The following CDH18 variants were observed in gnomAD, a reference collection of about 807,000 sequenced individuals.
The protein encoded by CDH18 is cadherin-18.
In CDH18, 31 loss-of-function variants were observed where a neutral mutation model predicts 67.9. The observed-to-expected ratio is 0.46, with a 90% CI of 0.34 to 0.62. The LOEUF is 0.62. Ranked by LOEUF, CDH18 falls within the 20% of genes least tolerant of loss-of-function variation. CDH18 has a pLI of 0.01. For synonymous variants in CDH18, 362 were observed against 347.2 expected (o/e 1.04, Z -0.48); for missense variants, 890 against 975.5 (o/e 0.91, Z 1.17).
At chr5:20,562,473 G>T (rs1758274336) in intron 1 of CDH18, among the ~76,000 whole-genome samples, 1 of 151,496 alleles carries the variant, frequency 6.6e-6, no homozygotes, top group Non-Finnish European at 1.5e-5. Context: ...ATATATAAAG[G>T]CATGGTTGCC....
intron 5 of CDH18, among the ~76,000 whole-genome samples, chr5:19,674,079 G>A (rs1203082103): frequency 6.6e-6 from 1 of 151,466 alleles, no homozygotes; most frequent in Non-Finnish European, 1.5e-5. Flanking sequence ...TTATTTTTTT[G>A]TCCCAGGTAG....
upstream of CDH18, among the ~76,000 whole-genome samples, chr5:19,989,785 C>T (rs1007672632): frequency 6.6e-6 from 1 of 151,970 alleles, no homozygotes; most frequent in Non-Finnish European, 1.5e-5. Flanking sequence ...ATTTAGCTTT[C>T]GGAAAGACTA....
At chr5:19,830,314 A>G (rs937145457) in intron 3 of CDH18, among the ~76,000 whole-genome samples, 5 of 152,166 alleles carry the variant, frequency 3.3e-5, no homozygotes, top group Admixed American at 6.6e-5. Context: ...AATATCCAGA[A>G]TCTATATGAA....
At chr5:19,584,703 T>C (rs1254715299) in intron 7 of CDH18, among the ~76,000 whole-genome samples, 2 of 140,502 alleles carry the variant, frequency 1.4e-5, no homozygotes, top group African/African-American at 2.6e-5. Context: ...ATCCCAGCAG[T>C]TTGGGAGGCG....
intron 5 of CDH18, among the ~76,000 whole-genome samples, chr5:19,670,526 T>C (rs1758594312): frequency 6.6e-6 from 1 of 152,282 alleles, no homozygotes; most frequent in East Asian, 1.9e-4. Context: ...GATTGGAGAA[T>C]ATTGAAGAAT....
At chr5:20,272,263 T>C (rs1348448632) in intron 1 of CDH18, among the ~76,000 whole-genome samples, 2 of 152,064 alleles carry the variant, frequency 1.3e-5, no homozygotes, top group Admixed American at 1.3e-4. Flanking sequence ...TGATGGTTAG[T>C]AATTGTAATG....
chr5:20,376,107 T>TTTTTTTTTTTTTTTTTTTTTTTTTTTG (rs1318320616), intron 1 of CDH18, among the ~76,000 whole-genome samples: 1 of 112,942 alleles, frequency 8.9e-6, no homozygotes, highest in African/African-American at 3.1e-5. Context: ...TTTTTTTTTT[T>TTTTTTTTTTTTTTTTTTTTTTTTTTTG]TTTTGAGACG....
chr5:19,538,137 G>A (rs1424339762), intron 9 of CDH18, among the ~76,000 whole-genome samples: 1 of 152,140 alleles, frequency 6.6e-6, no homozygotes, highest in East Asian at 1.9e-4. Flanking sequence ...AAAATTGCGT[G>A]ATAGCATGTA....
rs184963504 is a variant in CDH18, at chr5:19,630,346, G to A, written c.644-17745C>T. ...TAGTTATCAATGTGGCCCTTCCTTTGTTAATCTATATCCTATGTGAACTAA... is the reference window on the plus strand; with the variant it reads ...TAGTTATCAATGTGGCCCTTCCTTTATTAATCTATATCCTATGTGAACTAA... On this transcript the variant is annotated intron_variant, in intron 5 of 12. Transcript: ENST00000382275. 3.3e-3 allele frequency among the ~76,000 whole-genome samples: 495 copies of A among 152,166 alleles called. 4 individuals carry two copies. The highest frequency in any genetic ancestry group is 0.011 in the African/African-American group (474 of 41,518).
intron 1 of CDH18, among the ~76,000 whole-genome samples, chr5:20,287,374 T>G (rs968461158): frequency 6.6e-6 from 1 of 151,742 alleles, no homozygotes; most frequent in Non-Finnish European, 1.5e-5. Flanking sequence ...TTTATTCAAA[T>G]TTAAATTGAA....
chr5:20,549,772 G>C (rs1038347438), intron 1 of CDH18, among the ~76,000 whole-genome samples: 10 of 152,174 alleles, frequency 6.6e-5, no homozygotes, highest in African/African-American at 2.4e-4. Flanking sequence ...CAAGGCAGTA[G>C]AGTGGGGATA....
chr5:20,196,748 T>G (rs1249936831), intron 2 of CDH18, among the ~76,000 whole-genome samples: 1 of 152,224 alleles, frequency 6.6e-6, no homozygotes, highest in Non-Finnish European at 1.5e-5. Context: ...TGTAGATAGC[T>G]ACATTCCTAT....
intron 2 of CDH18, among the ~76,000 whole-genome samples, chr5:19,931,472 T>C (rs1166066254): frequency 4.6e-5 from 7 of 151,956 alleles, no homozygotes. Flanking sequence ...GAGCCCTAAA[T>C]ATTTAGGGCC....
chr5:19,923,051 A>T lies in CDH18; in HGVS notation c.-257+58009T>A, dbSNP rs771981341. On this transcript the variant is annotated intron_variant, in intron 2 of 12. Transcript: ENST00000382275. ...CTATTTCTATCCGGTCAGACCTATG[A>T]TTTCTTCGAGCAATAGGGTACATTA... is the stretch of plus-strand genomic sequence containing the variant. 4.5e-4 allele frequency among the ~76,000 whole-genome samples: 68 copies of T among 152,228 alleles called. 2 individuals carry two copies. Among genetic ancestry groups the T allele is most frequent in the Middle Eastern group, 3.4e-3 (1 of 294 alleles).
intron 10 of CDH18, among the ~76,000 whole-genome samples, chr5:19,508,998 G>T (rs904732429): frequency 1.3e-5 from 2 of 151,338 alleles, no homozygotes; most frequent in African/African-American, 4.9e-5. Context: ...CTCAGCCACC[G>T]AGTAGTTGGG....
chr5:19,591,153 A>T lies in CDH18; in HGVS notation c.903T>A (p.Ala301=). 6.2e-7 allele frequency: 1 copy of T among 1,612,716 alleles called. No homozygotes were observed. Among genetic ancestry groups the T allele is most frequent in the South Asian group, 1.1e-5 (1 of 90,992 alleles). ...CATTTATGATGGAGTAGGTCATGTC[A>T]GCATTTGAGCCAGTGTCAGCATCAT... is the stretch of plus-strand genomic sequence containing the variant. ...KANDADTGSN[A]DMTYSIINGD... The change falls in exon 7 of 13, where the codon GCT becomes GCA. Residue 301 remains alanine, a synonymous_variant. Coordinates refer to ENST00000382275, the MANE Select transcript of CDH18 (RefSeq NM_004934.5).
chr5:20,483,392 G>A (rs1017618582), intron 1 of CDH18, among the ~76,000 whole-genome samples: 3 of 151,788 alleles, frequency 2.0e-5, no homozygotes, highest in African/African-American at 4.8e-5. Context: ...TAACAATAAT[G>A]CGTTTCACAG....
chr5:19,670,651 A>G (rs1758615445), intron 5 of CDH18, among the ~76,000 whole-genome samples: 2 of 152,274 alleles, frequency 1.3e-5, no homozygotes, highest in Non-Finnish European at 2.9e-5. Context: ...AAAAGCTTCC[A>G]GAGATTATTA....
At chr5:19,705,864 T>C (rs1763881835) in intron 5 of CDH18, among the ~76,000 whole-genome samples, 1 of 152,340 alleles carries the variant, frequency 6.6e-6, no homozygotes, top group African/African-American at 2.4e-5. Flanking sequence ...TTGATAACCA[T>C]TTTCCTAAAA....
Sources: allele counts gnomAD v4.1 joint callset (sites outside exome capture counted in the v4.1 genomes callset), GRCh38; gene constraint gnomAD v4.1.1; transcripts MANE v1.5; gene names NCBI Gene and HGNC (gene_info 2026-07-23, HGNC 2026-07-21).